Variants in STPG2 observed in about 807,000 individuals in gnomAD.
STPG2 encodes the protein sperm-tail PG-rich repeat-containing protein 2.
STPG2 carries 56 observed loss-of-function variants against 54.2 expected under a neutral mutation model. The observed-to-expected ratio is 1.03, with a 90% CI of 0.83 to 1.29. STPG2 has a LOEUF of 1.29. Ranked by LOEUF, STPG2 falls within the 50% of genes most tolerant of loss-of-function variation. The probability of loss-of-function intolerance (pLI) is 0.00; values close to 1 mark genes in which losing one functional copy is unlikely to be tolerated. For missense variants in STPG2, 596 were observed against 544.9 expected, an observed-to-expected ratio of 1.09 and a Z score of -0.93; for synonymous variants, 200 against 181.8, an observed-to-expected ratio of 1.10 and a Z score of -0.81.
intron 9 of STPG2, among the ~76,000 whole-genome samples, chr4:97,722,792 T>C (rs1724489897): frequency 7.1e-6 from 1 of 141,490 alleles, no homozygotes; most frequent in South Asian, 2.2e-4. Context: ...TTTGAGTCTC[T>C]GCCAATTTTT....
chr4:97,884,430 G>A (rs1370862709), intron 8 of STPG2, among the ~76,000 whole-genome samples: 3 of 152,064 alleles, frequency 2.0e-5, no homozygotes. Flanking sequence ...TTTATAAAAA[G>A]AGAAAAAGGA....
At chr4:97,581,046 G>C (rs1039074269) in intron 10 of STPG2, among the ~76,000 whole-genome samples, 1 of 151,910 alleles carries the variant, frequency 6.6e-6, no homozygotes, top group Non-Finnish European at 1.5e-5. Context: ...TGTAATGATG[G>C]TTAATTTTTC....
At chr4:97,942,074 CAT>C (rs1249903803) in intron 8 of STPG2, among the ~76,000 whole-genome samples, 2 of 151,300 alleles carry the variant, frequency 1.3e-5, no homozygotes, top group East Asian at 3.9e-4. Context: ...AGATGTGCAC[CAT>C]CTTTTTTCAC....
At chr4:97,740,851 G>A (rs1725201793) in intron 9 of STPG2, among the ~76,000 whole-genome samples, 1 of 151,986 alleles carries the variant, frequency 6.6e-6, no homozygotes, top group Non-Finnish European at 1.5e-5. Context: ...TCACAGAATT[G>A]GAAAAAAACT....
intron 10 of STPG2, among the ~76,000 whole-genome samples, chr4:97,659,296 C>T (rs942803266): frequency 6.6e-6 from 1 of 152,138 alleles, no homozygotes; most frequent in Non-Finnish European, 1.5e-5. Flanking sequence ...GTATGTGTAA[C>T]ATTTTAATCT....
At chr4:97,661,820 G>A (rs1318414992) in intron 10 of STPG2, among the ~76,000 whole-genome samples, 1 of 152,092 alleles carries the variant, frequency 6.6e-6, no homozygotes, top group African/African-American at 2.4e-5. Flanking sequence ...TCCTAGGCCT[G>A]ATCTATCAAG....
At chr4:97,456,759 G>T (rs954615993) in intron 4 of STPG2, among the ~76,000 whole-genome samples, 2 of 151,644 alleles carry the variant, frequency 1.3e-5, no homozygotes, top group African/African-American at 4.9e-5. Context: ...AGCCAGGTGT[G>T]GTGGCAGGCG....
chr4:97,731,800 A>T (rs1724804536), intron 9 of STPG2, among the ~76,000 whole-genome samples: 1 of 152,202 alleles, frequency 6.6e-6, no homozygotes, highest in South Asian at 2.1e-4. Context: ...CTTAAGCTGC[A>T]TCTACAGATC....
chr4:97,856,337 G>A (rs1396202986), intron 8 of STPG2, among the ~76,000 whole-genome samples: 2 of 151,846 alleles, frequency 1.3e-5, no homozygotes, highest in Non-Finnish European at 1.5e-5. Context: ...TCTCTTATAT[G>A]AGCAGTGATT....
intron 5 of STPG2, among the ~76,000 whole-genome samples, chr4:98,058,470 T>A (rs141535181): frequency 2.6e-5 from 4 of 152,270 alleles, no homozygotes; most frequent in South Asian, 2.1e-4. Context: ...AAGAAGGACA[T>A]TACATAATGG....
intron 4 of STPG2, among the ~76,000 whole-genome samples, chr4:97,505,559 C>T (rs746337413): frequency 2.3e-4 from 35 of 151,908 alleles, no homozygotes; most frequent in Non-Finnish European, 4.1e-4. Context: ...TTCCTAAGTT[C>T]TCAATGGCAT....
At chr4:97,629,330 AT>A (rs1721181357) in intron 10 of STPG2, among the ~76,000 whole-genome samples, 1 of 152,072 alleles carries the variant, frequency 6.6e-6, no homozygotes, top group Non-Finnish European at 1.5e-5. Context: ...AATGACTTTT[AT>A]TAATAATGCA....
At chr4:97,854,789 G>C (rs550952650) in intron 8 of STPG2, among the ~76,000 whole-genome samples, 1 of 152,176 alleles carries the variant, frequency 6.6e-6, no homozygotes, top group Non-Finnish European at 1.5e-5. Context: ...GCATGTGCAG[G>C]TTTGTTACAT....
chr4:97,855,572 G>T (rs901231569), intron 8 of STPG2, among the ~76,000 whole-genome samples: 1 of 151,570 alleles, frequency 6.6e-6, no homozygotes, highest in African/African-American at 2.4e-5. Flanking sequence ...TTAGTCCTTT[G>T]TCAGATGGAT....
At chr4:97,867,274 G>A (rs1350415825) in intron 8 of STPG2, among the ~76,000 whole-genome samples, 1 of 151,680 alleles carries the variant, frequency 6.6e-6, no homozygotes, top group Non-Finnish European at 1.5e-5. Context: ...TCATTATGCT[G>A]CATCTAGATG....
At chr4:97,793,616 T>A (rs1325666169) in intron 9 of STPG2, among the ~76,000 whole-genome samples, 1 of 151,748 alleles carries the variant, frequency 6.6e-6, no homozygotes, top group African/African-American at 2.4e-5. Context: ...CCTAGAAAGG[T>A]CTGAATGCAA....
At chr4:97,639,564 A>G (rs991656920) in intron 10 of STPG2, among the ~76,000 whole-genome samples, 1 of 152,122 alleles carries the variant, frequency 6.6e-6, no homozygotes, top group Non-Finnish European at 1.5e-5. Context: ...ACAAAATTGT[A>G]GAATTCTTTG....
intron 5 of STPG2, among the ~76,000 whole-genome samples, chr4:98,081,477 T>C (rs541132738): frequency 6.6e-6 from 1 of 152,000 alleles, no homozygotes; most frequent in East Asian, 1.9e-4. Context: ...AAACAAATTT[T>C]AAAAAAAACT....
At chr4:97,807,553 C>T (rs1361742476) in intron 9 of STPG2, among the ~76,000 whole-genome samples, 2 of 151,544 alleles carry the variant, frequency 1.3e-5, no homozygotes, top group Non-Finnish European at 2.9e-5. Flanking sequence ...ATTCAAACAG[C>T]AGATTATACA....
Sources: gnomAD v4.1 joint callset for allele counts (sites outside exome capture counted in the v4.1 genomes callset) on GRCh38, gnomAD v4.1.1 for gene constraint, MANE v1.5 for transcripts, NCBI Gene and HGNC (gene_info 2026-07-23, HGNC 2026-07-21) for gene names.